RSRC1: variants seen among roughly 807,000 people sequenced by gnomAD.
RSRC1 encodes the protein arginine and serine rich coiled-coil 1.
Under a neutral mutation model 49.1 loss-of-function variants are expected in RSRC1, and 39 were observed. The ratio of observed to expected loss-of-function variants is 0.79; its 90% CI spans 0.61 to 1.04. RSRC1 has a LOEUF of 1.04. Ranked by LOEUF, RSRC1 falls within the 50% of genes least tolerant of loss-of-function variation. The pLI is 0.00. For synonymous variants in RSRC1, 143 were observed against 130.8 expected (o/e 1.09, Z -0.63); for missense variants, 388 against 402.4 (o/e 0.96, Z 0.31).
intron 4 of RSRC1, among the ~76,000 whole-genome samples, chr3:158,258,346 T>G (rs78981767): frequency 0.017 from 2,550 of 151,814 alleles, 86 homozygotes; most frequent in African/African-American, 0.057. Flanking sequence ...AAGTTTTTTT[T>G]TTGTTGTTGT....
intron 6 of RSRC1, among the ~76,000 whole-genome samples, chr3:158,396,962 A>G (rs1003696015): frequency 6.6e-6 from 1 of 152,170 alleles, no homozygotes; most frequent in Non-Finnish European, 1.5e-5. Flanking sequence ...AACAGTTTAG[A>G]AAGGTCAAAC....
intron 5 of RSRC1, among the ~76,000 whole-genome samples, chr3:158,332,720 A>C (rs1226679501): frequency 6.6e-6 from 1 of 152,110 alleles, no homozygotes; most frequent in Admixed American, 6.5e-5. Flanking sequence ...ATTAAGGATA[A>C]AAAAGAAAAA....
At chr3:158,372,293 T>C (rs960018719) in intron 6 of RSRC1, among the ~76,000 whole-genome samples, 1 of 151,902 alleles carries the variant, frequency 6.6e-6, no homozygotes, top group Admixed American at 6.6e-5. Context: ...GTTTTTATAG[T>C]TTACTTTCTA....
intron 4 of RSRC1, among the ~76,000 whole-genome samples, chr3:158,228,853 A>ACG (rs1722679525): frequency 7.3e-6 from 1 of 136,070 alleles, no homozygotes; most frequent in South Asian, 2.3e-4. Flanking sequence ...ATAAACACAC[A>ACG]TACGTGTATA....
At chr3:158,463,566 G>C (rs1737728332) in intron 7 of RSRC1, among the ~76,000 whole-genome samples, 2 of 152,034 alleles carry the variant, frequency 1.3e-5, no homozygotes. Flanking sequence ...GTGCAATACA[G>C]AGTTGAAAGC....
At chr3:158,253,762 A>G (rs922656298) in intron 4 of RSRC1, among the ~76,000 whole-genome samples, 1 of 151,884 alleles carries the variant, frequency 6.6e-6, no homozygotes, top group African/African-American at 2.4e-5. Context: ...GTATATATTT[A>G]TATATTTATT....
intron 6 of RSRC1, among the ~76,000 whole-genome samples, chr3:158,454,450 A>G (rs996296037): frequency 6.6e-6 from 1 of 152,070 alleles, no homozygotes; most frequent in African/African-American, 2.4e-5. Flanking sequence ...TTTTTTTGTA[A>G]GCCTCTTTAC....
At chr3:158,449,889 C>T (rs916469874) in intron 6 of RSRC1, among the ~76,000 whole-genome samples, 2 of 151,856 alleles carry the variant, frequency 1.3e-5, no homozygotes, top group South Asian at 2.1e-4. Context: ...GGAAACATAC[C>T]TCCTGGTTTC....
chr3:158,344,082 A>C (rs780112523), intron 5 of RSRC1, among the ~76,000 whole-genome samples: 3 of 152,028 alleles, frequency 2.0e-5, no homozygotes, highest in Admixed American at 6.6e-5. Context: ...AACATGGTAA[A>C]ACCCCGTCTC....
At chr3:158,397,886 G>A (rs1328844210) in intron 6 of RSRC1, among the ~76,000 whole-genome samples, 1 of 152,044 alleles carries the variant, frequency 6.6e-6, no homozygotes, top group African/African-American at 2.4e-5. Context: ...AGAAAAGTTA[G>A]GTTAATATTT....
chr3:158,492,455 G>A (rs1739124633), intron 7 of RSRC1, among the ~76,000 whole-genome samples: 1 of 152,068 alleles, frequency 6.6e-6, no homozygotes, highest in South Asian at 2.1e-4. Flanking sequence ...GCTACTATTT[G>A]ACTGTTTTAG....
intron 4 of RSRC1, among the ~76,000 whole-genome samples, chr3:158,229,384 GTGTATATATATACACATACACACGTA>G (rs1722812361): frequency 1.1e-5 from 1 of 94,958 alleles, no homozygotes; most frequent in Admixed American, 9.7e-5. Context: ...GTGTATGTAT[GTGTATATATATACACATACACACGTA>G]TATGTGTATG....
chr3:158,258,694 G>A (rs982302416), intron 4 of RSRC1, among the ~76,000 whole-genome samples: 1 of 151,858 alleles, frequency 6.6e-6, no homozygotes, highest in Non-Finnish European at 1.5e-5. Flanking sequence ...TTGCCCTTTT[G>A]GGGCTATTTT....
At chr3:158,518,087 AGTGCGTGC>A (rs1162272233) in intron 7 of RSRC1, among the ~76,000 whole-genome samples, 6 of 106,834 alleles carry the variant, frequency 5.6e-5, no homozygotes, top group African/African-American at 2.3e-4. Flanking sequence ...TATGTACGTA[AGTGCGTGC>A]GTGTGTGTGT....
At chr3:158,293,378 A>T (rs922102100) in intron 4 of RSRC1, among the ~76,000 whole-genome samples, 3 of 152,034 alleles carry the variant, frequency 2.0e-5, no homozygotes, top group African/African-American at 7.2e-5. Context: ...TTGCTGCCCC[A>T]GCTTTCTTTT....
At chr3:158,208,464 A>C (rs989779358) in intron 4 of RSRC1, among the ~76,000 whole-genome samples, 5 of 152,168 alleles carry the variant, frequency 3.3e-5, no homozygotes, top group Non-Finnish European at 7.3e-5. Flanking sequence ...CCTGGACTCC[A>C]GTGATCCTCC....
chr3:158,476,828 G>A (rs143723084), intron 7 of RSRC1, among the ~76,000 whole-genome samples: 24 of 152,242 alleles, frequency 1.6e-4, no homozygotes, highest in East Asian at 1.4e-3. Flanking sequence ...TGCCATAAGC[G>A]GTGATTCCTC....
At chr3:158,247,458 G>A (rs1169623624) in intron 4 of RSRC1, among the ~76,000 whole-genome samples, 1 of 152,126 alleles carries the variant, frequency 6.6e-6, no homozygotes. Flanking sequence ...GGCTTTTTGA[G>A]TTTTCAGGGT....
intron 3 of RSRC1, among the ~76,000 whole-genome samples, chr3:158,174,237 TA>T (rs778032613): frequency 8.6e-5 from 13 of 152,036 alleles, no homozygotes; most frequent in African/African-American, 2.4e-4. Flanking sequence ...ATGGTTGATT[TA>T]TTTTTTTAAT....
Sources: allele counts gnomAD v4.1 joint callset (sites outside exome capture counted in the v4.1 genomes callset), GRCh38; gene constraint gnomAD v4.1.1; transcripts MANE v1.5; gene names NCBI Gene and HGNC (gene_info 2026-07-23, HGNC 2026-07-21).